Variants in MCF2L observed in about 807,000 individuals in gnomAD.
MCF2L encodes guanine nucleotide exchange factor DBS.
A neutral mutation model predicts 153.4 loss-of-function variants in MCF2L; 97 were observed. That is an observed-to-expected ratio of 0.63 (90% CI 0.54 to 0.75). The LOEUF (loss-of-function observed/expected upper bound fraction) is 0.75. Ranked by LOEUF, MCF2L falls within the 30% of genes least tolerant of loss-of-function variation. The pLI is 0.00. For missense variants in MCF2L, 1,347 were observed against 1,495.2 expected, an observed-to-expected ratio of 0.90 and a Z score of 1.64; for synonymous variants, 659 against 632.2, an observed-to-expected ratio of 1.04 and a Z score of -0.64.
chr13:112,984,838 C>T (rs1407373289), intron 1 of MCF2L, among the ~76,000 whole-genome samples: 2 of 152,176 alleles, frequency 1.3e-5, no homozygotes, highest in Admixed American at 6.5e-5. Context: ...TGTCTCTGTG[C>T]AGCTCATCCT....
At position 113,046,019 on chromosome 13, in the gene MCF2L, C is replaced by T. The variant is rs1227278766; in HGVS notation, c.369+658C>T. ...TTTCCAAGGACTTTCCCTTGGCATC[C>T]GAGAGTCTGTTTGCAGATTCTGCAC... is the stretch of plus-strand genomic sequence containing the variant. On this transcript the variant is annotated intron_variant, in intron 4 of 29. Coordinates refer to ENST00000535094, the MANE Select transcript of MCF2L (RefSeq NM_001112732.3). This position sits in a 1 kb window ranked among gnomAD's most constrained non-coding sequence, Gnocchi z 4.4. The T allele has an allele frequency of 1.3e-5, 2 of 155,584 alleles. No homozygotes were observed. Among genetic ancestry groups the T allele is most frequent in the African/African-American group, 2.4e-5 (1 of 41,424 alleles). 9.6% of individuals were successfully genotyped at this position (155,584 alleles called of 1,614,324 possible).
At chr13:113,075,252 A>G in intron 11 of MCF2L, 63 bp downstream of exon 11, 1 of 1,439,332 alleles carries the variant, frequency 6.9e-7, no homozygotes, top group African/African-American at 1.4e-5. Context: ...TTCCTCCCAC[A>G]TCCACCACCG....
intron 1 of MCF2L, among the ~76,000 whole-genome samples, chr13:112,900,190 C>T (rs986601647): frequency 6.6e-6 from 1 of 152,208 alleles, no homozygotes; most frequent in Non-Finnish European, 1.5e-5. Context: ...TAACCAGGGA[C>T]ATTTTTCTTC....
chr13:112,904,769 G>A lies in MCF2L; in HGVS notation c.169+2398G>A, dbSNP rs1036478167. On this transcript the variant is annotated intron_variant, in intron 2 of 29. Transcript: ENST00000375608. The surrounding 1 kb of genome is among the most constrained non-coding windows in gnomAD (Gnocchi z 4.2). Reference sequence around the variant, plus strand: ...TGCGGCCTGCGGGAGAACCGCACTCGGCTCTCAGGCCCTGCCTGCACCACA... The same window carrying A: ...TGCGGCCTGCGGGAGAACCGCACTCAGCTCTCAGGCCCTGCCTGCACCACA... 4.6e-5 allele frequency among the ~76,000 whole-genome samples: 7 copies of A among 152,386 alleles called. No individual in the cohort carries two copies. Among genetic ancestry groups the A allele is most frequent in the Middle Eastern group, 3.4e-3 (1 of 294 alleles).
intron 4 of MCF2L, among the ~76,000 whole-genome samples, chr13:113,059,003 G>T (rs557162856): frequency 8.6e-6 from 1 of 116,068 alleles, no homozygotes; most frequent in South Asian, 2.8e-4. Context: ...TGCCATTTGG[G>T]TGCTGAGTGG....
At chr13:112,991,561 G>C (rs1292752256) in intron 1 of MCF2L, among the ~76,000 whole-genome samples, 1 of 152,230 alleles carries the variant, frequency 6.6e-6, no homozygotes, top group African/African-American at 2.4e-5. Flanking sequence ...AATTTTATTA[G>C]AAGTTGCTAA....
intron 2 of MCF2L, among the ~76,000 whole-genome samples, chr13:112,952,915 G>A (rs1456588032): frequency 1.6e-4 from 24 of 152,248 alleles, no homozygotes; most frequent in Non-Finnish European, 2.9e-5. Flanking sequence ...AACACGGGGC[G>A]CCCCGTGTGA....
At chr13:112,982,049 G>A (rs575042444) in intron 1 of MCF2L, among the ~76,000 whole-genome samples, 1 of 152,316 alleles carries the variant, frequency 6.6e-6, no homozygotes, top group South Asian at 2.1e-4. Flanking sequence ...AACTAGGCCC[G>A]GAGTGCAGCA....
chr13:113,016,367 C>T (rs1041570145), intron 2 of MCF2L, among the ~76,000 whole-genome samples: 23 of 152,280 alleles, frequency 1.5e-4, no homozygotes, highest in African/African-American at 4.6e-4. Context: ...CACGGGCAGC[C>T]GCCAGGAACC....
At chr13:112,953,807 G>T (rs2081723533) in intron 2 of MCF2L, among the ~76,000 whole-genome samples, 1 of 152,232 alleles carries the variant, frequency 6.6e-6, no homozygotes, top group Non-Finnish European at 1.5e-5. Context: ...CCTGACAGGA[G>T]CGTTCAGCCA....
chr13:112,908,162 C>T (rs77577308), intron 2 of MCF2L, among the ~76,000 whole-genome samples: 140 of 152,238 alleles, frequency 9.2e-4, no homozygotes, highest in African/African-American at 2.9e-3. Flanking sequence ...TGCTCGTGTC[C>T]AATGCCAAGG....
chr13:113,095,640 C>T (rs910033191), intron 27 of MCF2L: 13 of 993,120 alleles, frequency 1.3e-5, no homozygotes, highest in South Asian at 4.6e-5. Context: ...GCCCAGTCAC[C>T]GTCCTCCTGC....
chr13:112,897,418 C>T (rs536652908), intron 1 of MCF2L, among the ~76,000 whole-genome samples: 1 of 152,342 alleles, frequency 6.6e-6, no homozygotes, highest in Admixed American at 6.5e-5. Context: ...CCCAGCCATG[C>T]CTGGGATCTC....
chr13:113,009,836 G>A (rs1016915288), intron 1 of MCF2L: 4 of 152,360 alleles, frequency 2.6e-5, no homozygotes, highest in Middle Eastern at 3.4e-3. Flanking sequence ...CCCATCTGAC[G>A]CTCAGCCTTG....
At chr13:112,973,652 G>A (rs559303589) in intron 1 of MCF2L, among the ~76,000 whole-genome samples, 2 of 152,322 alleles carry the variant, frequency 1.3e-5, no homozygotes, top group South Asian at 2.1e-4. Context: ...GCGCGAGCAC[G>A]GCTTCACCTG....
rs569122019 is a variant in MCF2L, at chr13:113,031,116, CAGAG to C, written c.278+6361_278+6364del. On this transcript the variant is annotated intron_variant, in intron 3 of 29. Transcript: ENST00000535094. The surrounding 1 kb of genome is among the most constrained non-coding windows in gnomAD (Gnocchi z 5.5). ...AGACAGAGACAGAGAGAGACAGAGA[CAGAG>C]AGTGACAGAGAGACAGACAGAGACA... Among the ~76,000 whole-genome samples the C allele has an allele frequency of 6.7e-6, 1 of 149,040 alleles. No individual in the cohort carries two copies. Among genetic ancestry groups the C allele is most frequent in the Non-Finnish European group, 1.5e-5 (1 of 67,558 alleles).
intron 1 of MCF2L, among the ~76,000 whole-genome samples, chr13:113,006,894 G>A (rs538520829): frequency 1.7e-4 from 26 of 152,322 alleles, no homozygotes; most frequent in South Asian, 6.2e-4. Context: ...GGGAGGCAGC[G>A]GAGCCATGGG....
chr13:113,086,469 C>T (rs1454453960), intron 21 of MCF2L, among the ~76,000 whole-genome samples: 1 of 152,122 alleles, frequency 6.6e-6, no homozygotes, highest in Non-Finnish European at 1.5e-5. Context: ...CTCTCTGGGA[C>T]GTGGAGAAAA....
At chr13:112,920,051 T>A (rs1191492110) in intron 2 of MCF2L, among the ~76,000 whole-genome samples, 1 of 152,208 alleles carries the variant, frequency 6.6e-6, no homozygotes, top group Non-Finnish European at 1.5e-5. Flanking sequence ...TCTCAAGCTG[T>A]GCTGTCCCTC....
Sources: allele counts gnomAD v4.1 joint callset (sites outside exome capture counted in the v4.1 genomes callset), GRCh38; gene constraint gnomAD v4.1.1; non-coding constraint Gnocchi (gnomAD v3.1); transcripts MANE v1.5; gene names NCBI Gene and HGNC (gene_info 2026-07-23, HGNC 2026-07-21).